CDH13: variants seen among roughly 807,000 people sequenced by gnomAD.
The protein encoded by CDH13 is cadherin 13, also known as cadherin-13.
A neutral mutation model predicts 63.8 loss-of-function variants in CDH13; 24 were observed. That is an observed-to-expected ratio of 0.38 (90% CI 0.27 to 0.53). The LOEUF is 0.53. Ranked by LOEUF, CDH13 falls within the 20% of genes least tolerant of loss-of-function variation. The pLI, the probability that CDH13 is intolerant of heterozygous loss-of-function variation, is 0.85. For missense variants in CDH13, 1,049 were observed against 903.1 expected, an observed-to-expected ratio of 1.16 and a Z score of -2.07; for synonymous variants, 503 against 355.3, an observed-to-expected ratio of 1.42 and a Z score of -4.67.
intron 10 of CDH13, among the ~76,000 whole-genome samples, chr16:83,733,557 T>A (rs566550562): frequency 2.6e-5 from 4 of 152,186 alleles, no homozygotes; most frequent in Non-Finnish European, 5.9e-5. Flanking sequence ...GGCTCAGCCA[T>A]CTATCTCACT....
chr16:83,077,186 CTTTTT>C (rs34536219), intron 3 of CDH13, among the ~76,000 whole-genome samples: 52 of 59,160 alleles, frequency 8.8e-4, no homozygotes, highest in African/African-American at 3.4e-3. Context: ...TTTTTCTTTT[CTTTTT>C]TTTTTTTTTT....
chr16:82,753,620 A>G (rs970121897), intron 1 of CDH13, among the ~76,000 whole-genome samples: 1 of 152,230 alleles, frequency 6.6e-6, no homozygotes, highest in Non-Finnish European at 1.5e-5. Context: ...AGTGTGCTGT[A>G]ATGAGAGGCA....
intron 13 of CDH13, among the ~76,000 whole-genome samples, chr16:83,790,743 G>A (rs1916207627): frequency 6.6e-6 from 1 of 152,168 alleles, no homozygotes; most frequent in South Asian, 2.1e-4. Flanking sequence ...GGCATGAAGT[G>A]GATGTGTAAT....
intron 2 of CDH13, among the ~76,000 whole-genome samples, chr16:82,944,475 G>C (rs1258652120): frequency 6.6e-6 from 1 of 152,162 alleles, no homozygotes; most frequent in African/African-American, 2.4e-5. Flanking sequence ...ACTGGAGTGA[G>C]GGTCATGGAT....
chr16:83,155,932 C>T (rs1365243969), intron 4 of CDH13, among the ~76,000 whole-genome samples: 1 of 152,166 alleles, frequency 6.6e-6, no homozygotes, highest in Non-Finnish European at 1.5e-5. Context: ...TTGCCAGTGA[C>T]CCTGGAATCT....
intron 2 of CDH13, among the ~76,000 whole-genome samples, chr16:82,999,431 A>G (rs1402843367): frequency 6.6e-6 from 1 of 151,004 alleles, no homozygotes; most frequent in East Asian, 1.9e-4. Flanking sequence ...AAGAAATATC[A>G]TAACCACATA....
chr16:83,246,906 C>T (rs370066541), intron 5 of CDH13, among the ~76,000 whole-genome samples: 2 of 152,126 alleles, frequency 1.3e-5, no homozygotes, highest in African/African-American at 4.8e-5. Context: ...CTAAAATGCC[C>T]GTGACTTCTC....
rs114252936 is a variant in CDH13, at chr16:83,455,476, G to A, written c.782-31001G>A. Reference sequence around the variant, plus strand: ...AGTGGCTTTCTCCAAGGACGTGAATGTTCATTTTAGTGCACCTTCTGGATT... The same window carrying A: ...AGTGGCTTTCTCCAAGGACGTGAATATTCATTTTAGTGCACCTTCTGGATT... On this transcript the variant is annotated intron_variant, in intron 6 of 13. Transcript: ENST00000567109. Among the ~76,000 whole-genome samples the A allele has an allele frequency of 6.9e-3, 1,044 of 152,240 alleles. 13 individuals carry two copies. Among genetic ancestry groups the A allele is most frequent in the South Asian group, 0.04 (191 of 4,818 alleles).
chr16:82,895,542 C>A (rs914230886), intron 2 of CDH13, among the ~76,000 whole-genome samples: 1 of 152,152 alleles, frequency 6.6e-6, no homozygotes, highest in African/African-American at 2.4e-5. Flanking sequence ...CCAAAGATGC[C>A]ATGCTTTATA....
intron 8 of CDH13, among the ~76,000 whole-genome samples, chr16:83,609,421 C>T (rs1177979523): frequency 2.0e-5 from 3 of 152,198 alleles, no homozygotes; most frequent in Non-Finnish European, 2.9e-5. Flanking sequence ...AGTTGTCATC[C>T]ACATCCTCGT....
chr16:83,755,294 A>T (rs568892922), intron 11 of CDH13, among the ~76,000 whole-genome samples: 4 of 152,210 alleles, frequency 2.6e-5, no homozygotes, highest in Non-Finnish European at 5.9e-5. Flanking sequence ...CACAGTGAGG[A>T]TAAAGAACGG....
intron 1 of CDH13, among the ~76,000 whole-genome samples, chr16:82,657,274 A>G (rs1180515646): frequency 1.3e-5 from 2 of 152,204 alleles, no homozygotes; most frequent in Non-Finnish European, 2.9e-5. Context: ...AATTATGACA[A>G]TATGTTGTAA....
chr16:82,986,060 T>A (rs1910896933), intron 2 of CDH13, among the ~76,000 whole-genome samples: 1 of 152,172 alleles, frequency 6.6e-6, no homozygotes, highest in Non-Finnish European at 1.5e-5. Flanking sequence ...CTACCCTGTC[T>A]CACGTACTTC....
chr16:82,808,139 CAT>C (rs1395579715), intron 1 of CDH13, among the ~76,000 whole-genome samples: 1 of 152,150 alleles, frequency 6.6e-6, no homozygotes, highest in African/African-American at 2.4e-5. Flanking sequence ...GACCTGTCTG[CAT>C]ATGTTTCCTT....
chr16:83,375,657 G>A (rs1423098905), intron 6 of CDH13, among the ~76,000 whole-genome samples: 1 of 152,192 alleles, frequency 6.6e-6, no homozygotes, highest in Non-Finnish European at 1.5e-5. Context: ...AAAGTAAGCT[G>A]ATGGGGTGAG....
chr16:82,628,067 G>A (rs756316301), intron 1 of CDH13, among the ~76,000 whole-genome samples: 49 of 152,334 alleles, frequency 3.2e-4, no homozygotes, highest in Non-Finnish European at 6.5e-4. Context: ...AGAGATTTCG[G>A]GAAGTTTGAG....
chr16:83,081,703 GAGAA>G lies in CDH13; in HGVS notation c.367-43678_367-43675del, dbSNP rs1471249093. Among the ~76,000 whole-genome samples, 10 of 151,904 alleles carry G rather than the reference GAGAA, an allele frequency of 6.6e-5. 1 individual carries two copies. Among genetic ancestry groups the G allele is most frequent in the South Asian group, 6.3e-4 (3 of 4,794 alleles). ...CACACAGTAAAGAGAGAGAGAGAGA[GAGAA>G]AGAGAGAGAGAGAAAGAGCTCGCAA... On this transcript the variant is annotated intron_variant, in intron 3 of 13. Transcript: ENST00000567109.
At chr16:83,442,164 G>T (rs74032084) in intron 6 of CDH13, among the ~76,000 whole-genome samples, 4,053 of 152,224 alleles carry the variant, frequency 0.027, 183 homozygotes, top group African/African-American at 0.091. Flanking sequence ...TTAGCTCTGG[G>T]TTTATTATTC....
chr16:82,877,499 T>C (rs2151198014), intron 2 of CDH13, among the ~76,000 whole-genome samples: 1 of 152,364 alleles, frequency 6.6e-6, no homozygotes, highest in African/African-American at 2.4e-5. Context: ...GACATGGTAG[T>C]TCACATTTGT....
Sources: allele counts gnomAD v4.1 joint callset (sites outside exome capture counted in the v4.1 genomes callset), GRCh38; gene constraint gnomAD v4.1.1; transcripts MANE v1.5; gene names NCBI Gene and HGNC (gene_info 2026-07-23, HGNC 2026-07-21).